The following NOL4L variants were observed in gnomAD, a reference collection of about 807,000 sequenced individuals.
NOL4L encodes the protein nucleolar protein 4-like.
NOL4L carries 7 observed loss-of-function variants against 64.5 expected under a neutral mutation model. The observed-to-expected ratio is 0.11, with a 90% CI of 0.06 to 0.20. The LOEUF (loss-of-function observed/expected upper bound fraction) is 0.20, where lower values mean the gene tolerates loss of function less well. Ranked by LOEUF, NOL4L falls within the 10% of genes least tolerant of loss-of-function variation. NOL4L has a pLI of 1.00. For synonymous variants in NOL4L, 413 were observed against 401.0 expected (o/e 1.03, Z -0.36); for missense variants, 680 against 967.1 (o/e 0.70, Z 3.94).
rs1433174383 is a variant in NOL4L, at chr20:32,460,612, CAGGAGCTCAAAAGGAA to C, written c.842-4233_842-4218del. ...GGTGAGGATGGTGCCCGAGATGGGG[CAGGAGCTCAAAAGGAA>C]ACCCCAATTCCCTGCACCCCACATT... On this transcript the variant is annotated intron_variant, in intron 5 of 10. Coordinates refer to ENST00000621426, the MANE Select transcript of NOL4L (RefSeq NM_001256798.2). The surrounding 1 kb of genome is among the most constrained non-coding windows in gnomAD (Gnocchi z 5.7). Among the ~76,000 whole-genome samples the C allele has an allele frequency of 6.6e-6, 1 of 152,208 alleles. No individual in the cohort carries two copies. Among genetic ancestry groups the C allele is most frequent in the East Asian group, 1.9e-4 (1 of 5,192 alleles).
intron 3 of NOL4L, among the ~76,000 whole-genome samples, chr20:32,517,161 C>T (rs1304984015): frequency 1.3e-5 from 2 of 152,186 alleles, no homozygotes. Context: ...CCCCACTCTG[C>T]TGGGGAGAGA....
intron 5 of NOL4L, among the ~76,000 whole-genome samples, chr20:32,472,596 A>AG (rs1380635269): frequency 6.6e-6 from 1 of 152,180 alleles, no homozygotes; most frequent in East Asian, 1.9e-4. Context: ...GTATGTCTCC[A>AG]GGGGGGCCAG....
chr20:32,466,450 T>C (rs1280798324), intron 5 of NOL4L, among the ~76,000 whole-genome samples: 1 of 152,180 alleles, frequency 6.6e-6, no homozygotes, highest in Non-Finnish European at 1.5e-5. Context: ...AGCCCAGCAT[T>C]GTCTGTGCCG....
At chr20:32,449,954 C>T (rs1600619651) in intron 10 of NOL4L, 1 of 152,446 alleles carries the variant, frequency 6.6e-6, no homozygotes, top group Non-Finnish European at 1.5e-5. Flanking sequence ...AGAGCTTCCT[C>T]CCTTCTCTCC....
chr20:32,536,829 G>A (rs1432038912), intron 1 of NOL4L, among the ~76,000 whole-genome samples: 1 of 123,224 alleles, frequency 8.1e-6, no homozygotes, highest in Non-Finnish European at 1.8e-5. Flanking sequence ...AACGGGGCGG[G>A]GGGGGGACAC....
At position 32,453,291 on chromosome 20, in the gene NOL4L, A is replaced by AG; in HGVS notation, c.1497+12dup. 7 of 1,610,796 alleles carry AG rather than the reference A, an allele frequency of 4.3e-6. No individual in the cohort carries two copies. The highest frequency in any genetic ancestry group is 1.7e-5 in the Admixed American group (1 of 59,910). On this transcript the variant is annotated intron_variant, in intron 8 of 10. Transcript: ENST00000621426. The surrounding 1 kb of genome is among the most constrained non-coding windows in gnomAD (Gnocchi z 5.6). The stretch of plus-strand genomic sequence containing the variant: ...CACCGAGGGAAAGTGTGGGCCAGGC[A>AG]GGGGGGACTCACCATCTCCATGCCG...
In NOL4L at chr20:32,513,505, G is replaced by A. The variant is rs553207710; in HGVS notation, c.590-2049C>T. 5.3e-5 allele frequency among the ~76,000 whole-genome samples: 8 copies of A among 152,316 alleles called. No individual in the cohort carries two copies. In the South Asian group the frequency reaches 1.5e-3, roughly 28 times the overall value. On this transcript the variant is annotated intron_variant, in intron 3 of 10. Coordinates refer to ENST00000621426, the MANE Select transcript of NOL4L (RefSeq NM_001256798.2). ...GTACAGAGTTTCTGTTTAGGGTGATGAAAAAGTTTTGGAAATAGATAGTGG... is the reference window on the plus strand; with the variant it reads ...GTACAGAGTTTCTGTTTAGGGTGATAAAAAAGTTTTGGAAATAGATAGTGG...
At position 32,448,904 on chromosome 20, in the gene NOL4L, A is replaced by G. The variant is rs1303299369; in HGVS notation, c.1823-1088T>C. On this transcript the variant is annotated intron_variant, in intron 10 of 10. Coordinates refer to ENST00000621426, the MANE Select transcript of NOL4L (RefSeq NM_001256798.2). Reference sequence around the variant, plus strand: ...AACTTCTCTGGGCCTCAGAGCCCTCATCTGCCAAAACTAGGCGGCTCCTGC... The same window carrying G: ...AACTTCTCTGGGCCTCAGAGCCCTCGTCTGCCAAAACTAGGCGGCTCCTGC... 2.6e-5 allele frequency among the ~76,000 whole-genome samples: 4 copies of G among 152,174 alleles called. No homozygotes were observed. In the South Asian group the frequency reaches 6.2e-4, roughly 24 times the overall value.
chr20:32,489,802 T>C (rs2145516200), intron 4 of NOL4L, among the ~76,000 whole-genome samples: 1 of 150,108 alleles, frequency 6.7e-6, no homozygotes, highest in South Asian at 2.1e-4. Context: ...AGAGTGAGAC[T>C]CCCTCTCAAA....
chr20:32,494,082 G>T (rs1439660355), intron 4 of NOL4L, among the ~76,000 whole-genome samples: 1 of 151,688 alleles, frequency 6.6e-6, no homozygotes, highest in African/African-American at 2.4e-5. Flanking sequence ...GTGAAACCTG[G>T]TCTCTACTAA....
In NOL4L at chr20:32,488,867, CT is replaced by C. The variant is rs1173425260; in HGVS notation, c.700-14126del. 1.5e-4 allele frequency among the ~76,000 whole-genome samples: 12 copies of C among 82,594 alleles called. No homozygotes were observed. In the South Asian group the frequency reaches 4.7e-3, roughly 32 times the overall value. The allele number at this position is 82,594 out of a possible 152,430, so 54.2% of individuals were successfully genotyped here. A position where few individuals can be genotyped will look rare whatever the true frequency, so the allele number is the denominator to read the frequency against. On this transcript the variant is annotated intron_variant, in intron 4 of 10. Coordinates refer to ENST00000621426, the MANE Select transcript of NOL4L (RefSeq NM_001256798.2). Reference sequence around the variant, plus strand: ...TCTTTCTTTCTTTCTTTCTTTCTTTCTTTCTTTCTTTCTTTCTTTCTTTCTT... The same window carrying C: ...TCTTTCTTTCTTTCTTTCTTTCTTTCTTCTTTCTTTCTTTCTTTCTTTCTT...
At chr20:32,559,633 C>T (rs141020555) in intron 1 of NOL4L, among the ~76,000 whole-genome samples, 2 of 152,320 alleles carry the variant, frequency 1.3e-5, no homozygotes, top group Non-Finnish European at 2.9e-5. Context: ...TGTCAAATAG[C>T]GGAGCAGGGA....
At chr20:32,508,802 C>A (rs917570104) in intron 4 of NOL4L, among the ~76,000 whole-genome samples, 1 of 152,212 alleles carries the variant, frequency 6.6e-6, no homozygotes, top group African/African-American at 2.4e-5. Flanking sequence ...GCAATTCCTG[C>A]ATCTCAGGTC....
chr20:32,561,985 C>T (rs1054300300), intron 1 of NOL4L, among the ~76,000 whole-genome samples: 1 of 151,754 alleles, frequency 6.6e-6, no homozygotes, highest in Admixed American at 6.6e-5. Context: ...TGAGACTCTG[C>T]CTCAAAAAAA....
At chr20:32,543,864 T>C (rs1345563791) in intron 1 of NOL4L, among the ~76,000 whole-genome samples, 1 of 151,754 alleles carries the variant, frequency 6.6e-6, no homozygotes, top group Non-Finnish European at 1.5e-5. Context: ...CCTGGCTGCC[T>C]CCTGAATGAG....
intron 4 of NOL4L, among the ~76,000 whole-genome samples, chr20:32,477,014 C>T (rs1223529673): frequency 6.6e-6 from 1 of 152,180 alleles, no homozygotes; most frequent in Non-Finnish European, 1.5e-5. Context: ...TGGGCGGGCA[C>T]ACGGGGACAG....
chr20:32,559,458 T>C (rs78516321), intron 1 of NOL4L, among the ~76,000 whole-genome samples: 2,516 of 152,302 alleles, frequency 0.017, 23 homozygotes, highest in East Asian at 0.029. Context: ...TTCAGCCCTT[T>C]CTCCTCAAGG....
intron 4 of NOL4L, among the ~76,000 whole-genome samples, chr20:32,488,653 C>T (rs143062299): frequency 1.2e-4 from 18 of 152,318 alleles, no homozygotes; most frequent in East Asian, 9.6e-4. Context: ...TTTTCCTTTG[C>T]TCCTCTTCAC....
intron 1 of NOL4L, among the ~76,000 whole-genome samples, chr20:32,555,088 A>C (rs2145607979): frequency 6.6e-6 from 1 of 152,206 alleles, no homozygotes; most frequent in East Asian, 1.9e-4. Flanking sequence ...CCCCAGCTAC[A>C]TCTGCACCAT....
Sources: gnomAD v4.1 joint callset for allele counts (sites outside exome capture counted in the v4.1 genomes callset) on GRCh38, gnomAD v4.1.1 for gene constraint, Gnocchi (gnomAD v3.1) non-coding constraint, MANE v1.5 for transcripts, NCBI Gene and HGNC (gene_info 2026-07-23, HGNC 2026-07-21) for gene names.